ORC2: variants seen among roughly 807,000 people sequenced by gnomAD.
ORC2 encodes origin recognition complex protein 2 homolog.
Under a neutral mutation model 77.7 loss-of-function variants are expected in ORC2, and 37 were observed. The observed-to-expected ratio is 0.48, with a 90% CI of 0.37 to 0.63. The LOEUF is 0.63. Among genes scored for constraint, ORC2 ranks in the 20% least tolerant of loss-of-function variants. ORC2 has a pLI of 0.00. For missense variants in ORC2, 557 were observed against 661.9 expected (o/e 0.84, Z 1.74); for synonymous variants, 201 against 229.5 (o/e 0.88, Z 1.12).
rs577196807 is a variant in ORC2 at position 200,954,190 on chromosome 2, G to A, written c.238+3211C>T. Among the ~76,000 whole-genome samples, 82 of 151,842 alleles carry A rather than the reference G, an allele frequency of 5.4e-4. 1 individual carries two copies. The highest frequency in any genetic ancestry group is 6.2e-4 in the South Asian group (3 of 4,808). On this transcript the variant is annotated intron_variant, in intron 4 of 17. Coordinates refer to ENST00000234296, the MANE Select transcript of ORC2 (RefSeq NM_006190.5). ...TGAGATTACAGGCACCCACCACCACGCCCAGCTAATTTTTTGTATTTTTAG... is the reference window on the plus strand; with the variant it reads ...TGAGATTACAGGCACCCACCACCACACCCAGCTAATTTTTTGTATTTTTAG...
rs1575144125 is a variant in ORC2, at chr2:200,909,685, T to C, written c.*1616A>G. The C allele has an allele frequency of 8.5e-6, 1 of 117,052 alleles. No individual in the cohort carries two copies. Among genetic ancestry groups the C allele is most frequent in the African/African-American group, 3.5e-5 (1 of 28,650 alleles). The allele number at this position is 117,052 out of a possible 1,614,324, so 7.3% of individuals were successfully genotyped here. A position where few individuals can be genotyped will look rare whatever the true frequency, so the allele number is the denominator to read the frequency against. On this transcript the variant is annotated 3_prime_UTR_variant, in exon 18 of 18. Coordinates refer to ENST00000234296, the MANE Select transcript of ORC2 (RefSeq NM_006190.5). ...CACTGCACTCTAGACTGGATGACAG[T>C]GCAATTCCATCTAAAAAAAAAAAAA...
At chr2:200,939,044 GAAA>G (rs199696935) in intron 7 of ORC2, among the ~76,000 whole-genome samples, 1 of 128,296 alleles carries the variant, frequency 7.8e-6, no homozygotes. Flanking sequence ...TCCTCAGGGG[GAAA>G]AAAAAAAAAA....
chr2:200,951,482 G>C (rs2041355627), intron 4 of ORC2, among the ~76,000 whole-genome samples: 1 of 152,202 alleles, frequency 6.6e-6, no homozygotes, highest in East Asian at 1.9e-4. Context: ...GCATTAACTA[G>C]AGATAAATGA....
At chr2:200,943,623 G>A (rs557981771) in intron 5 of ORC2, among the ~76,000 whole-genome samples, 1 of 152,118 alleles carries the variant, frequency 6.6e-6, no homozygotes, top group South Asian at 2.1e-4. Flanking sequence ...AAATGGAGAA[G>A]GTGTAGTTAA....
chr2:200,933,752 C>CT (rs2040983770), intron 10 of ORC2, 124 bp downstream of exon 10: 8 of 548,730 alleles, frequency 1.5e-5, no homozygotes, highest in Non-Finnish European at 2.6e-5. Flanking sequence ...ATCACATTAA[C>CT]TTGTGTTTCA....
chr2:200,911,339 A>G lies in ORC2; in HGVS notation c.1696T>C (p.Leu566=), dbSNP rs1284248673. ...TCTTCCTTTTCCAAGAAATCAGTCA[A>G]TGTTCCATTATCAACAGGAATTAAT... ...YLLIPVDNGT[L]TDFLEKEEEE... The change falls in exon 18 of 18, where the codon TTG becomes CTG. Residue 566 remains leucine (L), a synonymous_variant. Transcript: ENST00000234296. 4 of 1,609,248 alleles carry G rather than the reference A, an allele frequency of 2.5e-6. No individual in the cohort carries two copies. Among genetic ancestry groups the G allele is most frequent in the Admixed American group, 1.7e-5 (1 of 59,994 alleles).
intron 15 of ORC2, among the ~76,000 whole-genome samples, chr2:200,914,741 T>C (rs1246369335): frequency 6.6e-6 from 1 of 152,124 alleles, no homozygotes; most frequent in Non-Finnish European, 1.5e-5. Flanking sequence ...AGACACCCTG[T>C]CTCAAAAAAA....
At chr2:200,950,794 T>G (rs2041340088) in intron 4 of ORC2, among the ~76,000 whole-genome samples, 1 of 152,230 alleles carries the variant, frequency 6.6e-6, no homozygotes, top group Non-Finnish European at 1.5e-5. Flanking sequence ...GTGCTCATCC[T>G]CCTTATTAAG....
At chr2:200,940,660 G>A (rs1021063598) in intron 7 of ORC2, among the ~76,000 whole-genome samples, 1 of 152,066 alleles carries the variant, frequency 6.6e-6, no homozygotes, top group African/African-American at 2.4e-5. Context: ...AAATTAGCCA[G>A]GCGTGGTGGT....
In ORC2 at chr2:200,926,896, C is replaced by T; in HGVS notation, c.922G>A (p.Gly308Arg). The T allele has an allele frequency of 1.9e-6, 3 of 1,613,424 alleles. No homozygotes were observed. Among genetic ancestry groups the T allele is most frequent in the Non-Finnish European group, 2.5e-6 (3 of 1,179,704 alleles). Residue 308 changes from glycine to arginine, a missense_variant, in exon 12 of 18, where the codon GGG becomes AGG. Gly to Arg is a moderately radical substitution (Grantham distance 125). Coordinates refer to ENST00000234296, the MANE Select transcript of ORC2 (RefSeq NM_006190.5). ...FHKWMLQLHL[G>R]FNIVLYGLGS... Reference sequence around the variant, plus strand: ...AAACCATAAAGCACAATGTTGAACCCAAGGCTGTTAGGAAAGACAGTATTC... The same window carrying T: ...AAACCATAAAGCACAATGTTGAACCTAAGGCTGTTAGGAAAGACAGTATTC...
chr2:200,915,001 G>A (rs1016496506), intron 15 of ORC2, among the ~76,000 whole-genome samples: 1 of 108,858 alleles, frequency 9.2e-6, no homozygotes, highest in African/African-American at 3.4e-5. Flanking sequence ...TTCTTCCCAC[G>A]TCTTTTTTTT....
intron 17 of ORC2, 56 bp from the exon 18 acceptor site, chr2:200,911,443 T>C: frequency 1.1e-6 from 1 of 947,664 alleles, no homozygotes; most frequent in South Asian, 1.5e-5. Context: ...ATATGAACTC[T>C]TCTATTGTAG....
chr2:200,950,250 G>C (rs1296240031), intron 4 of ORC2, among the ~76,000 whole-genome samples: 1 of 152,152 alleles, frequency 6.6e-6, no homozygotes, highest in Non-Finnish European at 1.5e-5. Context: ...AGAATTGCTT[G>C]AACCTGGGAG....
intron 11 of ORC2, among the ~76,000 whole-genome samples, chr2:200,927,436 T>C (rs994106788): frequency 1.3e-5 from 2 of 150,978 alleles, no homozygotes; most frequent in African/African-American, 4.9e-5. Flanking sequence ...GGCTCACGCC[T>C]GTAATCCCAG....
At chr2:200,930,217 A>G (rs2040914412) in intron 11 of ORC2, among the ~76,000 whole-genome samples, 3 of 152,202 alleles carry the variant, frequency 2.0e-5, no homozygotes, top group Admixed American at 1.3e-4. Context: ...GAAGAACAGA[A>G]AAGAGGTAAC....
In ORC2 at chr2:200,909,697, T is replaced by TAAAAAA. The variant is rs570537972; in HGVS notation, c.*1598_*1603dup. ...GACTGGATGACAGTGCAATTCCATC[T>TAAAAAA]AAAAAAAAAAAAAAAAAAAAAAAGA... On this transcript the variant is annotated 3_prime_UTR_variant, in exon 18 of 18. Coordinates refer to ENST00000234296, the MANE Select transcript of ORC2 (RefSeq NM_006190.5). 6 of 51,290 alleles carry TAAAAAA rather than the reference T, an allele frequency of 1.2e-4. No homozygotes were observed. The highest frequency in any genetic ancestry group is 4.6e-4 in the Admixed American group (2 of 4,360). The allele number at this position is 51,290 out of a possible 1,614,324, so 3.2% of individuals were successfully genotyped here. A position where few individuals can be genotyped will look rare whatever the true frequency, so the allele number is the denominator to read the frequency against.
chr2:200,914,661 C>G (rs907757485), intron 15 of ORC2, among the ~76,000 whole-genome samples: 4 of 152,232 alleles, frequency 2.6e-5, no homozygotes, highest in African/African-American at 9.6e-5. Flanking sequence ...CGCCTATGGT[C>G]TCAGCTACTC....
At chr2:200,925,676 C>G (rs1472880836) in intron 13 of ORC2, among the ~76,000 whole-genome samples, 160 bp downstream of exon 13, 1 of 152,120 alleles carries the variant, frequency 6.6e-6, no homozygotes, top group South Asian at 2.1e-4. Flanking sequence ...AAGGTCAAGG[C>G]TGCAGTGAGC....
intron 15 of ORC2, among the ~76,000 whole-genome samples, chr2:200,917,586 A>C (rs1277556424): frequency 4.6e-5 from 7 of 152,314 alleles, no homozygotes; most frequent in Admixed American, 4.6e-4. Flanking sequence ...TGGAGGTGGC[A>C]GTCATACAAG....
Sources: allele counts gnomAD v4.1 joint callset (sites outside exome capture counted in the v4.1 genomes callset), GRCh38; gene constraint gnomAD v4.1.1; transcripts MANE v1.5; gene names NCBI Gene and HGNC (gene_info 2026-07-23, HGNC 2026-07-21).